Variants in STIL observed in about 807,000 individuals in gnomAD.
STIL encodes STIL centriolar assembly protein.
STIL carries 55 observed loss-of-function variants against 110.1 expected under a neutral mutation model. The ratio of observed to expected loss-of-function variants is 0.50; its 90% CI spans 0.40 to 0.63. The LOEUF is 0.63. STIL is among the 20% of genes least tolerant of loss of function. The pLI, the probability that STIL is intolerant of heterozygous loss-of-function variation, is 0.00. For synonymous variants in STIL, 481 were observed against 530.0 expected, an observed-to-expected ratio of 0.91 and a Z score of 1.27; for missense variants, 1,358 against 1,530.0, an observed-to-expected ratio of 0.89 and a Z score of 1.87.
intron 10 of STIL, among the ~76,000 whole-genome samples, chr1:47,284,910 A>G (rs1645252065): frequency 6.6e-6 from 1 of 150,740 alleles, no homozygotes; most frequent in African/African-American, 2.4e-5. Flanking sequence ...AAAGATAAAG[A>G]CTGACTTCCT....
Position 47,250,253 on chromosome 1 carries a change from T to C in STIL, c.*883A>G, listed in dbSNP as rs181941312. 2.5e-4 allele frequency: 43 copies of C among 174,580 alleles called. 1 individual carries two copies. The East Asian group carries it at 4.3e-3, about 17-fold the overall frequency. 10.8% of individuals were successfully genotyped at this position (174,580 alleles called of 1,614,324 possible). On this transcript the variant is annotated 3_prime_UTR_variant, in exon 17 of 17. Coordinates refer to ENST00000371877, the MANE Select transcript of STIL (RefSeq NM_001048166.1). ...ACTCAATAATTTTCTTATTCTTTGA[T>C]AGCCAGTGTGACATGTTGAAGATGT...
chr1:47,253,421 C>T (rs1446520111), intron 16 of STIL, among the ~76,000 whole-genome samples: 1 of 152,168 alleles, frequency 6.6e-6, no homozygotes, highest in Non-Finnish European at 1.5e-5. Context: ...CTCCTGGCCC[C>T]CACTGCAGTA....
chr1:47,307,526 T>C (rs895910873), intron 2 of STIL, among the ~76,000 whole-genome samples: 1 of 152,216 alleles, frequency 6.6e-6, no homozygotes, highest in Non-Finnish European at 1.5e-5. Flanking sequence ...TGTGATTTCC[T>C]ATGCCTGTCT....
intron 6 of STIL, 122 bp downstream of exon 6, chr1:47,299,783 T>C: frequency 9.4e-7 from 1 of 1,060,242 alleles, no homozygotes; most frequent in Admixed American, 2.4e-5. Flanking sequence ...CTTTCCCTGG[T>C]TATTAACCAA....
intron 7 of STIL, among the ~76,000 whole-genome samples, chr1:47,294,914 C>A (rs913711671): frequency 1.3e-5 from 2 of 151,694 alleles, no homozygotes; most frequent in Non-Finnish European, 2.9e-5. Flanking sequence ...CAGGAGAATT[C>A]AACTTATATT....
intron 10 of STIL, among the ~76,000 whole-genome samples, chr1:47,286,480 G>T (rs1645303343): frequency 6.6e-6 from 1 of 151,706 alleles, no homozygotes; most frequent in Non-Finnish European, 1.5e-5. Context: ...AGGCTGAGGT[G>T]GGTGGATCAC....
chr1:47,280,780 A>G lies in STIL; in HGVS notation c.1678T>C (p.Ser560Pro). 6.2e-7 allele frequency: 1 copy of G among 1,614,006 alleles called. No individual in the cohort carries two copies. Among genetic ancestry groups the G allele is most frequent in the Non-Finnish European group, 8.5e-7 (1 of 1,179,956 alleles). Residue 560 changes from serine to proline, a missense_variant, in exon 12 of 17, where the codon TCT becomes CCT. Transcript: ENST00000371877. ...TGCGGGGCAAGAGAAGACTGCCTAG[A>G]ATTAAGTGTGGAGGGTCTTATAGGA... ...EYPIRPSTLNSRQSSLAPQSQ... is the reference protein window; with the variant it reads ...EYPIRPSTLNPRQSSLAPQSQ...
intron 15 of STIL, among the ~76,000 whole-genome samples, chr1:47,260,794 C>A (rs142251133): frequency 2.1e-3 from 324 of 152,142 alleles, no homozygotes; most frequent in African/African-American, 7.5e-3. Flanking sequence ...ACTTGAGCCA[C>A]GAGGCTGAGG....
chr1:47,279,446 G>C (rs1044775068), intron 12 of STIL, among the ~76,000 whole-genome samples: 2 of 152,034 alleles, frequency 1.3e-5, no homozygotes, highest in Non-Finnish European at 2.9e-5. Flanking sequence ...GAGGAAGGAC[G>C]TCAGTGAGGA....
Position 47,300,092 on chromosome 1 carries a change from T to C in STIL, c.514A>G (p.Arg172Gly). The C allele has an allele frequency of 1.2e-6, 2 of 1,614,138 alleles. No individual in the cohort carries two copies. Among genetic ancestry groups the C allele is most frequent in the Non-Finnish European group, 1.7e-6 (2 of 1,180,004 alleles). ...CTCTCCCTGGAAGTGATATGAACTC[T>C]TAGGGAAAGCAGCTTACCACAGTCC... ...SLDCGKLLSLRVHITSRESLD... is the reference protein window; with the variant it reads ...SLDCGKLLSLGVHITSRESLD... Residue 172 changes from arginine (R) to glycine (G), a missense_variant, in exon 6 of 17, where the codon AGA (arginine) becomes GGA (glycine). Coordinates refer to ENST00000371877, the MANE Select transcript of STIL (RefSeq NM_001048166.1).
In STIL at chr1:47,251,069, C is replaced by A; in HGVS notation, c.*67G>T. ...ATGATCAGGAGCCTTGTGGTAGGCT[C>A]CTGTTTTCCCTAAGTATCTTCAGGA... On this transcript the variant is annotated 3_prime_UTR_variant, in exon 17 of 17. Coordinates refer to ENST00000371877, the MANE Select transcript of STIL (RefSeq NM_001048166.1). The A allele has an allele frequency of 6.7e-7, 1 of 1,488,352 alleles. No homozygotes were observed. The highest frequency in any genetic ancestry group is 9.1e-7 in the Non-Finnish European group (1 of 1,093,266). 92.2% of individuals were successfully genotyped at this position (1,488,352 alleles called of 1,614,324 possible).
intron 1 of STIL, 47 bp from the exon 2 acceptor site, chr1:47,310,409 A>G: frequency 8.1e-7 from 1 of 1,231,630 alleles, no homozygotes; most frequent in Non-Finnish European, 1.2e-6. Context: ...AAAACAAAGA[A>G]GAAAAATATG....
At chr1:47,281,768 T>C (rs988975209) in intron 11 of STIL, among the ~76,000 whole-genome samples, 14 of 152,186 alleles carry the variant, frequency 9.2e-5, no homozygotes, top group Admixed American at 7.9e-4. Flanking sequence ...TATAATTTGA[T>C]ATTAGCTTTA....
upstream of STIL, among the ~76,000 whole-genome samples, chr1:47,314,583 G>A (rs1361220036): frequency 6.6e-6 from 1 of 152,178 alleles, no homozygotes; most frequent in East Asian, 1.9e-4. Context: ...CAAAAGACAA[G>A]AAAGTTAGAG....
intron 6 of STIL, among the ~76,000 whole-genome samples, chr1:47,296,144 C>G (rs1458605369): frequency 6.6e-6 from 1 of 152,150 alleles, no homozygotes; most frequent in Non-Finnish European, 1.5e-5. Flanking sequence ...TTACTTTAAT[C>G]AAGAGTGTTA....
At chr1:47,260,053 A>T (rs1181174895) in intron 16 of STIL, among the ~76,000 whole-genome samples, 1 of 152,118 alleles carries the variant, frequency 6.6e-6, no homozygotes, top group Non-Finnish European at 1.5e-5. Flanking sequence ...CTCTCAAATT[A>T]CTTATGTATG....
intron 7 of STIL, among the ~76,000 whole-genome samples, chr1:47,294,513 C>T (rs1018875417): frequency 2.6e-5 from 4 of 152,254 alleles, no homozygotes; most frequent in African/African-American, 7.2e-5. Context: ...GGCGAAAGCC[C>T]GCCTCTACAA....
chr1:47,300,186 C>G, intron 5 of STIL, 34 bp from the exon 6 acceptor site: 1 of 1,596,898 alleles, frequency 6.3e-7, no homozygotes, highest in Non-Finnish European at 8.5e-7. Flanking sequence ...TATTTTAAAA[C>G]TTTGAAATGT....
intron 16 of STIL, among the ~76,000 whole-genome samples, chr1:47,255,385 T>C (rs1433084275): frequency 6.6e-6 from 1 of 151,672 alleles, no homozygotes; most frequent in Non-Finnish European, 1.5e-5. Flanking sequence ...GACCCCCATC[T>C]CTACAAATAA....
Sources: gnomAD v4.1 joint callset for allele counts (sites outside exome capture counted in the v4.1 genomes callset) on GRCh38, gnomAD v4.1.1 for gene constraint, MANE v1.5 for transcripts, NCBI Gene and HGNC (gene_info 2026-07-23, HGNC 2026-07-21) for gene names.